The following NIBAN1 variants were observed in gnomAD, a reference collection of about 807,000 sequenced individuals.
The protein encoded by NIBAN1 is niban apoptosis regulator 1.
Under a neutral mutation model 75.1 loss-of-function variants are expected in NIBAN1, and 81 were observed. That is an observed-to-expected ratio of 1.08 (90% CI 0.90 to 1.30). The LOEUF is 1.30. Ranked by LOEUF, NIBAN1 falls within the 50% of genes most tolerant of loss-of-function variation. The pLI is 0.00. For synonymous variants in NIBAN1, 436 were observed against 424.8 expected (o/e 1.03, Z -0.32); for missense variants, 1,133 against 1,128.1 (o/e 1.00, Z -0.06).
chr1:184,824,934 C>T (rs1473165771), intron 6 of NIBAN1, among the ~76,000 whole-genome samples: 2 of 152,146 alleles, frequency 1.3e-5, no homozygotes, highest in Admixed American at 6.5e-5. Flanking sequence ...GGCACAAACA[C>T]CTTATGGTGT....
chr1:184,919,252 G>C (rs1255579429), intron 1 of NIBAN1, among the ~76,000 whole-genome samples: 1 of 152,214 alleles, frequency 6.6e-6, no homozygotes, highest in African/African-American at 2.4e-5. Context: ...GGCCTGTCCT[G>C]ACCTATAGGT....
At chr1:184,955,259 C>A (rs1410128053) in intron 1 of NIBAN1, among the ~76,000 whole-genome samples, 1 of 151,632 alleles carries the variant, frequency 6.6e-6, no homozygotes, top group Non-Finnish European at 1.5e-5. Context: ...TCCCTAATGG[C>A]TGCTGCAATG....
At chr1:184,824,015 C>T (rs540757312) in intron 6 of NIBAN1, among the ~76,000 whole-genome samples, 3 of 152,240 alleles carry the variant, frequency 2.0e-5, no homozygotes, top group South Asian at 2.1e-4. Flanking sequence ...TCCCCAAATT[C>T]GAACTTCACA....
Position 184,803,625 on chromosome 1 carries a change from A to T in NIBAN1, c.1514T>A (p.Leu505His). 1 of 1,614,214 alleles carries T rather than the reference A, an allele frequency of 6.2e-7. No homozygotes were observed. Among genetic ancestry groups the T allele is most frequent in the Non-Finnish European group, 8.5e-7 (1 of 1,180,020 alleles). ...CGCCAGTGCCTTCTGCACAGTGGGAAGTGTGATTTGAACTAGTGCCTCTTG... is the reference window on the plus strand; with the variant it reads ...CGCCAGTGCCTTCTGCACAGTGGGATGTGTGATTTGAACTAGTGCCTCTTG... Reference protein sequence around the residue: ...IFQEALVQITLPTVQKALAST... With the variant: ...IFQEALVQITHPTVQKALAST... The change falls in exon 12 of 14, where the codon CTT (leucine) becomes CAT (histidine). Residue 505 changes from leucine to histidine, a missense_variant. By Grantham distance (99) the Leu-to-His change is moderately conservative. Coordinates refer to ENST00000367511, the MANE Select transcript of NIBAN1 (RefSeq NM_052966.4).
intron 6 of NIBAN1, among the ~76,000 whole-genome samples, chr1:184,830,767 C>T (rs746936231): frequency 5.9e-5 from 9 of 151,980 alleles, no homozygotes; most frequent in East Asian, 1.9e-4. Context: ...TTTGGGAGCC[C>T]GAGGCAGGGG....
intron 5 of NIBAN1, among the ~76,000 whole-genome samples, chr1:184,882,660 T>A (rs1005575637): frequency 2.0e-5 from 3 of 152,092 alleles, no homozygotes; most frequent in African/African-American, 7.2e-5. Context: ...GCAGGCTACA[T>A]AACATCCAAA....
intron 9 of NIBAN1, among the ~76,000 whole-genome samples, chr1:184,811,828 A>T (rs1430497687): frequency 1.3e-5 from 2 of 152,190 alleles, no homozygotes; most frequent in African/African-American, 4.8e-5. Flanking sequence ...GGCTCTCAGT[A>T]AAGTCCCTTT....
chr1:184,864,880 GA>G lies in NIBAN1; in HGVS notation c.601+19752del, dbSNP rs946583109. Among the ~76,000 whole-genome samples the G allele has an allele frequency of 6.0e-3, 674 of 113,176 alleles. 7 individuals are homozygous for G. Among genetic ancestry groups the G allele is most frequent in the African/African-American group, 0.02 (603 of 30,016 alleles). 74.2% of individuals were successfully genotyped at this position (113,176 alleles called of 152,430 possible). On this transcript the variant is annotated intron_variant, in intron 5 of 13. Transcript: ENST00000367511. Reference sequence around the variant, plus strand: ...AACTTAAAGTATAATAATAATAAAAGAAAAAAAAAACATTGGCAGCATTTAT... The same window carrying G: ...AACTTAAAGTATAATAATAATAAAAGAAAAAAAAACATTGGCAGCATTTAT...
intron 1 of NIBAN1, among the ~76,000 whole-genome samples, chr1:184,926,292 C>G (rs975362438): frequency 1.3e-5 from 2 of 152,170 alleles, no homozygotes; most frequent in African/African-American, 4.8e-5. Flanking sequence ...GGCTGGAGTG[C>G]AGTGGTGCAA....
At chr1:184,928,682 A>T (rs1414538601) in intron 1 of NIBAN1, among the ~76,000 whole-genome samples, 1 of 152,138 alleles carries the variant, frequency 6.6e-6, no homozygotes, top group Non-Finnish European at 1.5e-5. Flanking sequence ...TCTCTGTGCC[A>T]TGCGACCACT....
intron 1 of NIBAN1, among the ~76,000 whole-genome samples, chr1:184,959,848 TGAAGTCCAG>T (rs1188676199): frequency 6.6e-6 from 1 of 152,226 alleles, no homozygotes; most frequent in Non-Finnish European, 1.5e-5. Context: ...CAGCTCTGAG[TGAAGTCCAG>T]GAATTCTTTG....
chr1:184,933,280 T>C (rs1426630325), intron 1 of NIBAN1, among the ~76,000 whole-genome samples: 3 of 152,184 alleles, frequency 2.0e-5, no homozygotes, highest in African/African-American at 4.8e-5. Flanking sequence ...TCACTCAACA[T>C]ATATCCACTA....
chr1:184,974,446 C>G lies in NIBAN1; in HGVS notation c.-90G>C, dbSNP rs1659023885. 8 of 1,476,996 alleles carry G rather than the reference C, an allele frequency of 5.4e-6. No individual in the cohort carries two copies. In the East Asian group the frequency reaches 2.2e-4, roughly 40 times the overall value. The allele number at this position is 1,476,996 out of a possible 1,614,324, so 91.5% of individuals were successfully genotyped here. On this transcript the variant is annotated 5_prime_UTR_variant, in exon 1 of 14. Transcript: ENST00000367511. ...GGTTGATCCGACGGCGAACCCGGCT[C>G]TGAAATTAAGAGCAAACTTCCTTCG... is the stretch of plus-strand genomic sequence containing the variant.
At chr1:184,890,479 A>G (rs1351522514) in intron 3 of NIBAN1, among the ~76,000 whole-genome samples, 3 of 152,232 alleles carry the variant, frequency 2.0e-5, no homozygotes, top group Non-Finnish European at 4.4e-5. Context: ...TACCCTAGGT[A>G]TGTTCTCGAA....
At chr1:184,878,194 A>G (rs538198614) in intron 5 of NIBAN1, among the ~76,000 whole-genome samples, 1 of 152,306 alleles carries the variant, frequency 6.6e-6, no homozygotes, top group African/African-American at 2.4e-5. Flanking sequence ...ACTGCTGGGG[A>G]GAAACACTGA....
intron 1 of NIBAN1, among the ~76,000 whole-genome samples, chr1:184,900,559 G>C (rs189957365): frequency 2.1e-4 from 32 of 152,310 alleles, no homozygotes; most frequent in African/African-American, 6.7e-4. Flanking sequence ...TGAACCATGT[G>C]GGGGAAGCTT....
chr1:184,832,009 T>A (rs769682464), intron 5 of NIBAN1, 47 bp from the exon 6 acceptor site: 4 of 1,371,824 alleles, frequency 2.9e-6, no homozygotes, highest in Non-Finnish European at 4.2e-6. Flanking sequence ...ACACTCTAGA[T>A]TTCCCCATAG....
At position 184,951,760 on chromosome 1, in the gene NIBAN1, C is replaced by T. The variant is rs373718180; in HGVS notation, c.55+22542G>A. On this transcript the variant is annotated intron_variant, in intron 1 of 13. Coordinates refer to ENST00000367511, the MANE Select transcript of NIBAN1 (RefSeq NM_052966.4). ...ATTCAGACTATGGCGTTCCTCTCCT[C>T]GAAACTCCCCATGGCTTCTCTTCTT... 1.2e-3 allele frequency among the ~76,000 whole-genome samples: 183 copies of T among 152,196 alleles called. 2 individuals are homozygous for T. The highest frequency in any genetic ancestry group is 8.1e-3 in the South Asian group (39 of 4,822).
chr1:184,890,343 T>A (rs1397617690), intron 3 of NIBAN1, 121 bp from the exon 4 acceptor site: 7 of 690,678 alleles, frequency 1.0e-5, no homozygotes, highest in African/African-American at 7.1e-5. Context: ...CATACTATGT[T>A]ATTGAGTTAT....
Sources: gnomAD v4.1 joint callset for allele counts (sites outside exome capture counted in the v4.1 genomes callset) on GRCh38, gnomAD v4.1.1 for gene constraint, MANE v1.5 for transcripts, NCBI Gene and HGNC (gene_info 2026-07-23, HGNC 2026-07-21) for gene names.